NCBP1: variants seen among roughly 807,000 people sequenced by gnomAD.
The protein encoded by NCBP1 is nuclear cap binding protein subunit 1, also known as nuclear cap-binding protein subunit 1.
In NCBP1, 16 loss-of-function variants were observed where a neutral mutation model predicts 111.7. The ratio of observed to expected loss-of-function variants is 0.14; its 90% CI spans 0.10 to 0.22. NCBP1 has a LOEUF of 0.22. Among genes scored for constraint, NCBP1 ranks in the 10% least tolerant of loss-of-function variants. The pLI, the probability that NCBP1 is intolerant of heterozygous loss-of-function variation, is 1.00. For missense variants in NCBP1, 607 were observed against 957.5 expected (o/e 0.63, Z 4.83); for synonymous variants, 304 against 314.3 (o/e 0.97, Z 0.35).
intron 3 of NCBP1, among the ~76,000 whole-genome samples, chr9:97,642,282 T>G (rs1329746212): frequency 6.6e-6 from 1 of 152,072 alleles, no homozygotes; most frequent in African/African-American, 2.4e-5. Flanking sequence ...GTTGGAAGCC[T>G]TGTTTGTTTA....
In NCBP1 at chr9:97,672,811, T is replaced by A. The variant is rs1024382622; in HGVS notation, c.*1612T>A. 6.4e-6 allele frequency: 1 copy of A among 156,894 alleles called. No individual in the cohort carries two copies. Among genetic ancestry groups the A allele is most frequent in the Non-Finnish European group, 1.4e-5 (1 of 71,470 alleles). The allele number at this position is 156,894 out of a possible 1,614,324, so 9.7% of individuals were successfully genotyped here. A position where few individuals can be genotyped will look rare whatever the true frequency, so the allele number is the denominator to read the frequency against. ...ATATATTTTTTTCTTATGATTTTATTTTCTTTTCTCTAGCTTCATAAGAAT... is the reference window on the plus strand; with the variant it reads ...ATATATTTTTTTCTTATGATTTTATATTCTTTTCTCTAGCTTCATAAGAAT... On this transcript the variant is annotated 3_prime_UTR_variant, in exon 23 of 23. Transcript: ENST00000375147.
intron 9 of NCBP1, among the ~76,000 whole-genome samples, chr9:97,650,939 A>ATT (rs112595685): frequency 0.12 from 17,329 of 149,286 alleles, 2,803 homozygotes; most frequent in African/African-American, 0.36. Flanking sequence ...AAGCTTTGGA[A>ATT]TTTTTTTTTT....
chr9:97,640,894 A>C lies in NCBP1; in HGVS notation c.123+12A>C. The C allele has an allele frequency of 6.4e-7, 1 of 1,561,626 alleles. No individual in the cohort carries two copies. Among genetic ancestry groups the C allele is most frequent in the Non-Finnish European group, 8.8e-7 (1 of 1,138,572 alleles). ...AAGTAGGAGAAAAGGTATGTCACAC[A>C]ATAGGCACAGGCTGTGATGGGTTTA... On this transcript the variant is annotated intron_variant, in intron 2 of 22. Coordinates refer to ENST00000375147, the MANE Select transcript of NCBP1 (RefSeq NM_002486.5).
Position 97,661,049 on chromosome 9 carries a change from T to C in NCBP1, c.1581T>C (p.Pro527=), listed in dbSNP as rs1352475693. The change falls in exon 16 of 23, where the codon CCT becomes CCC. Residue 527 remains proline, a synonymous_variant. Transcript: ENST00000375147. ...GCATTCTGAAAGATGTACCAAATCCTAACCAGGATGATGACGACGGTAAGT... is the reference window on the plus strand; with the variant it reads ...GCATTCTGAAAGATGTACCAAATCCCAACCAGGATGATGACGACGGTAAGT... The part of the protein sequence containing the change: ...IFSILKDVPN[P]NQDDDDDEGF... 4.3e-6 allele frequency: 7 copies of C among 1,612,524 alleles called. No individual in the cohort carries two copies.
intron 22 of NCBP1, among the ~76,000 whole-genome samples, 190 bp from the exon 23 acceptor site, chr9:97,670,896 T>C (rs1828170192): frequency 6.6e-6 from 1 of 152,182 alleles, no homozygotes. Flanking sequence ...TGAGCATCCA[T>C]TTTTTTCATT....
chr9:97,657,877 C>T, intron 14 of NCBP1, among the ~76,000 whole-genome samples: 1 of 141,150 alleles, frequency 7.1e-6, no homozygotes, highest in Non-Finnish European at 1.5e-5. Flanking sequence ...CATGAGGAGC[C>T]CCGGTAAGCT....
intron 20 of NCBP1, among the ~76,000 whole-genome samples, chr9:97,668,203 T>G (rs1828066610): frequency 6.6e-6 from 1 of 152,348 alleles, no homozygotes; most frequent in East Asian, 1.9e-4. Context: ...TCTGACTGGG[T>G]GATGCTGGGA....
intron 6 of NCBP1, 107 bp downstream of exon 6, chr9:97,645,839 T>C: frequency 1.5e-6 from 2 of 1,328,892 alleles, no homozygotes; most frequent in Non-Finnish European, 2.1e-6. Flanking sequence ...CCTGAAGGTA[T>C]TTTCTAGGTA....
chr9:97,658,547 T>C, intron 14 of NCBP1, 93 bp from the exon 15 acceptor site: 3 of 935,844 alleles, frequency 3.2e-6, no homozygotes, highest in Non-Finnish European at 5.2e-6. Context: ...TGAGTTCAAG[T>C]TGTTGGAGAT....
rs920952126 is a variant in NCBP1 at position 97,652,527 on chromosome 9, G to A, written c.1059+1154G>A. On this transcript the variant is annotated intron_variant, in intron 10 of 22. Transcript: ENST00000375147. ...CTGTGGTGCCAGCTACTTAGGGGTGGGAGGATCACTTGAGCCTAGGAGGTC... is the reference window on the plus strand; with the variant it reads ...CTGTGGTGCCAGCTACTTAGGGGTGAGAGGATCACTTGAGCCTAGGAGGTC... 3.3e-5 allele frequency among the ~76,000 whole-genome samples: 5 copies of A among 152,190 alleles called. No homozygotes were observed. In the East Asian group the frequency reaches 7.7e-4, roughly 23 times the overall value.
chr9:97,654,478 GAC>G (rs1827589049), intron 11 of NCBP1, among the ~76,000 whole-genome samples: 1 of 151,794 alleles, frequency 6.6e-6, no homozygotes, highest in Non-Finnish European at 1.5e-5. Flanking sequence ...ACCAGTATGT[GAC>G]ACAGAGACAA....
intron 1 of NCBP1, among the ~76,000 whole-genome samples, chr9:97,636,409 C>T (rs979453181): frequency 2.0e-5 from 3 of 148,862 alleles, no homozygotes; most frequent in Admixed American, 6.7e-5. Context: ...CCTGACTTTC[C>T]GTATGCTTGA....
chr9:97,636,456 A>G (rs1255549318), intron 1 of NCBP1, among the ~76,000 whole-genome samples: 1 of 147,296 alleles, frequency 6.8e-6, no homozygotes, highest in East Asian at 2.0e-4. Flanking sequence ...TATATAAACT[A>G]TAATAGAATG....
chr9:97,652,466 GA>G (rs1345798208), intron 10 of NCBP1, among the ~76,000 whole-genome samples: 2 of 151,940 alleles, frequency 1.3e-5, no homozygotes, highest in Non-Finnish European at 2.9e-5. Context: ...AAAAATACAA[GA>G]AAAAAAAGAA....
At chr9:97,645,266 G>A (rs777182271) in intron 5 of NCBP1, 42 bp downstream of exon 5, 1 of 1,447,364 alleles carries the variant, frequency 6.9e-7, no homozygotes, top group South Asian at 1.2e-5. Flanking sequence ...GGTTCTTGAG[G>A]GGTTACTGAA....
intron 18 of NCBP1, among the ~76,000 whole-genome samples, chr9:97,663,858 A>G (rs1384019701): frequency 6.6e-6 from 1 of 151,922 alleles, no homozygotes; most frequent in Non-Finnish European, 1.5e-5. Flanking sequence ...GTGCTAGAGC[A>G]AAGCAAAGGG....
At chr9:97,645,464 A>T (rs996278273) in intron 5 of NCBP1, 147 bp from the exon 6 acceptor site, 1 of 870,870 alleles carries the variant, frequency 1.1e-6, no homozygotes, top group African/African-American at 1.7e-5. Context: ...GATTAGAACT[A>T]ATATATCTAG....
At chr9:97,668,133 T>C (rs1449329465) in intron 20 of NCBP1, among the ~76,000 whole-genome samples, 3 of 152,212 alleles carry the variant, frequency 2.0e-5, no homozygotes, top group Non-Finnish European at 4.4e-5. Flanking sequence ...TGATGCCACC[T>C]TCTTGCTGAA....
intron 10 of NCBP1, 53 bp downstream of exon 10, chr9:97,651,426 T>C: frequency 6.7e-7 from 1 of 1,494,972 alleles, no homozygotes; most frequent in Non-Finnish European, 9.3e-7. Context: ...TTCTGTTGGC[T>C]TTAAAGTATG....
Sources: gnomAD v4.1 joint callset for allele counts (sites outside exome capture counted in the v4.1 genomes callset) on GRCh38, gnomAD v4.1.1 for gene constraint, MANE v1.5 for transcripts, NCBI Gene and HGNC (gene_info 2026-07-23, HGNC 2026-07-21) for gene names.